The following CNTN1 variants were observed in gnomAD, a reference collection of about 807,000 sequenced individuals.
CNTN1 encodes contactin-1.
Under a neutral mutation model 126.4 loss-of-function variants are expected in CNTN1, and 38 were observed. The observed-to-expected ratio is 0.30, with a 90% CI of 0.23 to 0.39. CNTN1 has a LOEUF of 0.39. Among genes scored for constraint, CNTN1 ranks in the 10% least tolerant of loss-of-function variants. The pLI is 1.00. For missense variants in CNTN1, 1,009 were observed against 1,248.4 expected, an observed-to-expected ratio of 0.81 and a Z score of 2.89; for synonymous variants, 413 against 422.6, an observed-to-expected ratio of 0.98 and a Z score of 0.28.
chr12:40,834,014 A>G (rs1314297253), intron 1 of CNTN1, among the ~76,000 whole-genome samples: 2 of 152,246 alleles, frequency 1.3e-5, no homozygotes, highest in Non-Finnish European at 2.9e-5. Flanking sequence ...TTAAGCCACA[A>G]AATTGAATTG....
chr12:40,736,606 G>T (rs1937696358), intron 1 of CNTN1, among the ~76,000 whole-genome samples: 1 of 152,108 alleles, frequency 6.6e-6, no homozygotes, highest in Admixed American at 6.6e-5. Context: ...AAGACCTATG[G>T]TATACAATTT....
chr12:40,789,882 T>A (rs1940156252), intron 1 of CNTN1, among the ~76,000 whole-genome samples: 1 of 152,192 alleles, frequency 6.6e-6, no homozygotes, highest in African/African-American at 2.4e-5. Context: ...TCCATATTTC[T>A]GTATATTTCC....
chr12:40,752,174 C>G (rs12427373), intron 1 of CNTN1, among the ~76,000 whole-genome samples: 14 of 152,138 alleles, frequency 9.2e-5, no homozygotes, highest in Admixed American at 7.2e-4. Context: ...TTATTATGCC[C>G]TGTATGGTCA....
intron 1 of CNTN1, among the ~76,000 whole-genome samples, chr12:40,898,867 T>C (rs17544096): frequency 0.24 from 35,790 of 152,154 alleles, 4,741 homozygotes; most frequent in South Asian, 0.36. Context: ...TTAACAAAGA[T>C]ATTCAGATAC....
chr12:40,761,292 A>T (rs999251771), intron 1 of CNTN1, among the ~76,000 whole-genome samples: 3 of 152,126 alleles, frequency 2.0e-5, no homozygotes, highest in Non-Finnish European at 4.4e-5. Context: ...TTTTAGTTAG[A>T]CACCATTTAA....
chr12:41,042,476 G>A (rs574878567), intron 23 of CNTN1, among the ~76,000 whole-genome samples: 132 of 151,980 alleles, frequency 8.7e-4, no homozygotes, highest in African/African-American at 3.1e-3. Context: ...TATCCTTGTT[G>A]ACTTTCTGTC....
intron 1 of CNTN1, among the ~76,000 whole-genome samples, chr12:40,852,875 A>C (rs538144999): frequency 6.8e-6 from 1 of 146,902 alleles, no homozygotes; most frequent in South Asian, 2.1e-4. Context: ...TCAAGAAATA[A>C]TCCTTATTGC....
intron 1 of CNTN1, among the ~76,000 whole-genome samples, chr12:40,695,134 A>T (rs532710749): frequency 5.9e-5 from 9 of 152,348 alleles, no homozygotes; most frequent in Admixed American, 5.9e-4. Context: ...CTTTGCAGAA[A>T]AAGACTACAC....
At chr12:40,776,161 A>G (rs1158734757) in intron 1 of CNTN1, among the ~76,000 whole-genome samples, 1 of 151,572 alleles carries the variant, frequency 6.6e-6, no homozygotes, top group East Asian at 1.9e-4. Context: ...AAAATGGGCC[A>G]CAAATTATAG....
intron 1 of CNTN1, among the ~76,000 whole-genome samples, chr12:40,756,583 A>C (rs901787345): frequency 6.6e-6 from 1 of 152,144 alleles, no homozygotes; most frequent in African/African-American, 2.4e-5. Context: ...TGGTACCGTC[A>C]AAGGCCATGA....
chr12:40,751,534 C>G (rs552049977), intron 1 of CNTN1, among the ~76,000 whole-genome samples: 1 of 152,094 alleles, frequency 6.6e-6, no homozygotes, highest in African/African-American at 2.4e-5. Flanking sequence ...CAGGGCACTG[C>G]AGAGCTAAGA....
chr12:41,059,525 T>C (rs1375350814), intron 23 of CNTN1, among the ~76,000 whole-genome samples: 2 of 152,192 alleles, frequency 1.3e-5, no homozygotes, highest in Non-Finnish European at 2.9e-5. Context: ...GTAGAGGAAA[T>C]AGTACTGGGC....
At chr12:40,884,755 A>G (rs952421105) in intron 1 of CNTN1, among the ~76,000 whole-genome samples, 1 of 151,620 alleles carries the variant, frequency 6.6e-6, no homozygotes, top group African/African-American at 2.4e-5. Context: ...TATTAGTATT[A>G]TAATAGTCTT....
intron 1 of CNTN1, among the ~76,000 whole-genome samples, chr12:40,807,527 G>A (rs1940905342): frequency 6.6e-6 from 1 of 152,094 alleles, no homozygotes; most frequent in Non-Finnish European, 1.5e-5. Flanking sequence ...AAAGGCCAAA[G>A]CCTCTCATTT....
chr12:41,022,146 G>T (rs1351698761), intron 20 of CNTN1, among the ~76,000 whole-genome samples: 3 of 152,058 alleles, frequency 2.0e-5, no homozygotes, highest in Non-Finnish European at 2.9e-5. Flanking sequence ...GAAGACAAAA[G>T]AAATAAGAGG....
At chr12:40,867,880 T>TTTATTATTATTATTATTATTATTA (rs138493484) in intron 1 of CNTN1, among the ~76,000 whole-genome samples, 3 of 148,174 alleles carry the variant, frequency 2.0e-5, no homozygotes, top group African/African-American at 7.4e-5. Context: ...GCTTTCTGAG[T>TTTATTATTATTATTATTATTATTA]TTATTATTAT....
intron 1 of CNTN1, among the ~76,000 whole-genome samples, chr12:40,703,217 T>C (rs1489605160): frequency 2.6e-5 from 4 of 152,150 alleles, no homozygotes; most frequent in Non-Finnish European, 5.9e-5. Context: ...AAAAATAATA[T>C]AAATGAAGCA....
intron 14 of CNTN1, among the ~76,000 whole-genome samples, chr12:40,949,421 C>CCCT (rs1555186735): frequency 7.1e-6 from 1 of 140,576 alleles, no homozygotes; most frequent in Non-Finnish European, 1.5e-5. Context: ...TATCCCTACC[C>CCCT]CCCCTCCCCC....
intron 1 of CNTN1, among the ~76,000 whole-genome samples, chr12:40,840,810 G>A (rs1368785465): frequency 6.6e-6 from 1 of 151,602 alleles, no homozygotes; most frequent in Non-Finnish European, 1.5e-5. Context: ...AAAACCTATA[G>A]GGTACAGCAA....
Sources: allele counts gnomAD v4.1 joint callset (sites outside exome capture counted in the v4.1 genomes callset), GRCh38; gene constraint gnomAD v4.1.1; transcripts MANE v1.5; gene names NCBI Gene and HGNC (gene_info 2026-07-23, HGNC 2026-07-21).